The following FOXP1 variants were observed in gnomAD, a reference collection of about 807,000 sequenced individuals.
FOXP1 encodes forkhead box protein P1.
A neutral mutation model predicts 98.2 loss-of-function variants in FOXP1; 15 were observed. The ratio of observed to expected loss-of-function variants is 0.15; its 90% CI spans 0.10 to 0.24. FOXP1 has a LOEUF of 0.24. FOXP1 is among the 10% of genes least tolerant of loss of function. The pLI is 1.00. For missense variants in FOXP1, 633 were observed against 848.5 expected (o/e 0.75, Z 3.15); for synonymous variants, 371 against 314.5 (o/e 1.18, Z -1.90).
At chr3:71,531,137 G>A (rs1048426190) in intron 2 of FOXP1, among the ~76,000 whole-genome samples, 9 of 152,176 alleles carry the variant, frequency 5.9e-5, no homozygotes, top group African/African-American at 1.7e-4. Flanking sequence ...GAGGAGGGAC[G>A]CACATAAATA....
chr3:71,001,652 G>C (rs2042141260), intron 12 of FOXP1, among the ~76,000 whole-genome samples: 1 of 152,208 alleles, frequency 6.6e-6, no homozygotes, highest in Admixed American at 6.5e-5. Flanking sequence ...CTGGGTTCTT[G>C]ATTGTTGATG....
chr3:71,510,351 C>A (rs2042115304), intron 2 of FOXP1, among the ~76,000 whole-genome samples: 1 of 151,880 alleles, frequency 6.6e-6, no homozygotes, highest in African/African-American at 2.4e-5. Context: ...GTGGTACTTG[C>A]CTGTAATCCC....
At chr3:71,324,405 G>A (rs2107683264) in intron 4 of FOXP1, among the ~76,000 whole-genome samples, 1 of 152,292 alleles carries the variant, frequency 6.6e-6, no homozygotes, top group African/African-American at 2.4e-5. Context: ...AGAAAATGTG[G>A]CACATACACA....
intron 5 of FOXP1, among the ~76,000 whole-genome samples, chr3:71,250,243 C>T (rs1201813915): frequency 6.6e-6 from 1 of 152,178 alleles, no homozygotes; most frequent in Non-Finnish European, 1.5e-5. Flanking sequence ...GCCAAATGTC[C>T]CCTGCTGGGG....
intron 12 of FOXP1, among the ~76,000 whole-genome samples, chr3:71,002,526 G>A (rs1446003314): frequency 1.3e-5 from 2 of 152,174 alleles, no homozygotes; most frequent in Non-Finnish European, 2.9e-5. Context: ...CACTCACCTG[G>A]GGTGAATAAT....
chr3:71,480,994 T>C (rs1413135097), intron 3 of FOXP1, among the ~76,000 whole-genome samples: 4 of 152,210 alleles, frequency 2.6e-5, no homozygotes, highest in Non-Finnish European at 5.9e-5. Flanking sequence ...CTTCATTCTT[T>C]TTTTGAGCAC....
chr3:71,403,285 T>C lies in FOXP1; in HGVS notation c.-167-44041A>G, dbSNP rs9843786. On this transcript the variant is annotated intron_variant, in intron 3 of 20. Transcript: ENST00000649528. ...AAAATTCCAGCTGGGGCTAGGAGTA[T>C]GGAACCCTGATTTAACAAAAAGCTC... 4.7e-3 allele frequency among the ~76,000 whole-genome samples: 709 copies of C among 152,304 alleles called. 9 individuals carry two copies. The highest frequency in any genetic ancestry group is 0.016 in the African/African-American group (651 of 41,560).
intron 13 of FOXP1, among the ~76,000 whole-genome samples, chr3:70,999,478 A>C (rs560637652): frequency 8.5e-5 from 13 of 152,284 alleles, no homozygotes; most frequent in African/African-American, 2.9e-4. Flanking sequence ...TTCTCAATAA[A>C]CATGTTAATT....
chr3:71,405,439 G>T (rs571855114), intron 3 of FOXP1, among the ~76,000 whole-genome samples: 37 of 152,266 alleles, frequency 2.4e-4, no homozygotes, highest in African/African-American at 8.9e-4. Context: ...CACATTTCTG[G>T]ACTGCACCAC....
chr3:71,073,788 G>C (rs2053515972), intron 7 of FOXP1, among the ~76,000 whole-genome samples: 2 of 152,316 alleles, frequency 1.3e-5, no homozygotes, highest in Middle Eastern at 3.4e-3. Flanking sequence ...TCACAGCTGG[G>C]GGACTCATCT....
intron 3 of FOXP1, among the ~76,000 whole-genome samples, chr3:71,447,299 C>A (rs1158725429): frequency 6.6e-6 from 1 of 152,222 alleles, no homozygotes; most frequent in Non-Finnish European, 1.5e-5. Context: ...CTCTGCCTTA[C>A]ACATTCTCAA....
intron 2 of FOXP1, among the ~76,000 whole-genome samples, chr3:71,532,262 A>C (rs956844114): frequency 3.3e-5 from 5 of 151,916 alleles, no homozygotes; most frequent in African/African-American, 1.2e-4. Context: ...ACCACACCCA[A>C]ATTTTTGTAT....
intron 3 of FOXP1, among the ~76,000 whole-genome samples, chr3:71,422,775 G>C (rs895003669): frequency 1.3e-5 from 2 of 151,984 alleles, no homozygotes; most frequent in African/African-American, 4.8e-5. Flanking sequence ...GAAAAAAAGG[G>C]GTGAATGCCC....
intron 11 of FOXP1, among the ~76,000 whole-genome samples, chr3:71,018,667 GGA>G (rs2044896207): frequency 6.6e-6 from 1 of 152,150 alleles, no homozygotes; most frequent in Admixed American, 6.6e-5. Flanking sequence ...GGCTTTGGAA[GGA>G]GAGAGAACAA....
intron 7 of FOXP1, among the ~76,000 whole-genome samples, chr3:71,063,199 C>T (rs1389832413): frequency 6.6e-6 from 1 of 152,224 alleles, no homozygotes; most frequent in Non-Finnish European, 1.5e-5. Flanking sequence ...ACACTTTTCA[C>T]TGAAATGTGT....
intron 4 of FOXP1, among the ~76,000 whole-genome samples, chr3:71,326,121 G>A (rs1362933389): frequency 6.6e-6 from 1 of 151,988 alleles, no homozygotes; most frequent in African/African-American, 2.4e-5. Flanking sequence ...TTTTTTACAT[G>A]AAATATTAAA....
chr3:71,218,826 C>T (rs1393702076), intron 5 of FOXP1, among the ~76,000 whole-genome samples: 2 of 152,182 alleles, frequency 1.3e-5, no homozygotes, highest in African/African-American at 2.4e-5. Flanking sequence ...AAGTCCTTAA[C>T]GTTTCTGTGG....
chr3:71,175,242 C>T (rs2061876056), intron 6 of FOXP1, among the ~76,000 whole-genome samples: 1 of 152,168 alleles, frequency 6.6e-6, no homozygotes, highest in Non-Finnish European at 1.5e-5. Context: ...GCTTGAGGGG[C>T]AAATATGTAA....
At chr3:71,319,518 T>C (rs568974564) in intron 4 of FOXP1, among the ~76,000 whole-genome samples, 1 of 152,330 alleles carries the variant, frequency 6.6e-6, no homozygotes, top group East Asian at 1.9e-4. Flanking sequence ...CTCTGTTCAG[T>C]GATGAAACAA....
Sources: gnomAD v4.1 joint callset for allele counts (sites outside exome capture counted in the v4.1 genomes callset) on GRCh38, gnomAD v4.1.1 for gene constraint, MANE v1.5 for transcripts, NCBI Gene and HGNC (gene_info 2026-07-23, HGNC 2026-07-21) for gene names.